FADS3: variants seen among roughly 807,000 people sequenced by gnomAD.
FADS3 encodes cytochrome b5-related protein.
In FADS3, 30 loss-of-function variants were observed where a neutral mutation model predicts 60.4. The ratio of observed to expected loss-of-function variants is 0.50; its 90% CI spans 0.37 to 0.67. The LOEUF (loss-of-function observed/expected upper bound fraction) is 0.67. Ranked by LOEUF, FADS3 falls within the 30% of genes least tolerant of loss-of-function variation. The pLI is 0.00. For synonymous variants in FADS3, 234 were observed against 249.3 expected (o/e 0.94, Z 0.58); for missense variants, 432 against 598.3 (o/e 0.72, Z 2.90).
At chr11:61,890,130 T>C (rs1213199059) in intron 1 of FADS3, 1 of 151,958 alleles carries the variant, frequency 6.6e-6, no homozygotes, top group African/African-American at 2.4e-5. Context: ...TCTTTTTTTT[T>C]TTTTTCTTTT....
Position 61,878,580 on chromosome 11 carries a change from T to C in FADS3, c.679A>G (p.Asn227Asp). 6.2e-7 allele frequency: 1 copy of C among 1,614,130 alleles called. No individual in the cohort carries two copies. The highest frequency in any genetic ancestry group is 8.5e-7 in the Non-Finnish European group (1 of 1,180,012). Residue 227 changes from asparagine (N) to aspartate (D), a missense_variant, in exon 5 of 12, where the codon AAC (asparagine) becomes GAC (aspartate). By Grantham distance (23) the Asn-to-Asp change is conservative. Transcript: ENST00000278829. ...FRHFQHHAKP[N>D]IFHKDPDVTV... is the part of the protein sequence containing the mutation. Reference sequence around the variant, plus strand: ...ACGTCTGGGTCTTTGTGGAAGATGTTGGGCTTGGCGTGGTGCTGGAAGTGG... The same window carrying C: ...ACGTCTGGGTCTTTGTGGAAGATGTCGGGCTTGGCGTGGTGCTGGAAGTGG...
At chr11:61,881,542 A>T (rs1938129940) in intron 1 of FADS3, 2 of 152,324 alleles carry the variant, frequency 1.3e-5, no homozygotes, top group South Asian at 4.1e-4. Context: ...TGTTGTCCCC[A>T]TGGGTCTGGA....
At position 61,876,008 on chromosome 11, in the gene FADS3, A is replaced by C. The variant is rs774645487; in HGVS notation, c.1161-32T>G. The stretch of plus-strand genomic sequence containing the variant: ...GTGGGGAGCGTATGCTGGCACCTGA[A>C]GTGGGAGATTCCAGAGAGAGGCCCC... On this transcript the variant is annotated intron_variant, in intron 10 of 11. Transcript: ENST00000278829. The surrounding 1 kb of genome is among the most constrained non-coding windows in gnomAD (Gnocchi z 5.7). The C allele has an allele frequency of 1.9e-6, 3 of 1,613,126 alleles. No individual in the cohort carries two copies. Among genetic ancestry groups the C allele is most frequent in the Non-Finnish European group, 1.7e-6 (2 of 1,179,856 alleles).
At chr11:61,875,675 T>C (rs1018346609) in intron 11 of FADS3, among the ~76,000 whole-genome samples, 176 bp downstream of exon 11, 3 of 152,158 alleles carry the variant, frequency 2.0e-5, no homozygotes, top group African/African-American at 7.2e-5. Context: ...GAGTCTGCAG[T>C]AGGTGCTCCA....
Position 61,877,422 on chromosome 11 carries a change from G to T in FADS3, c.885+89C>A. The T allele has an allele frequency of 8.1e-7, 1 of 1,239,798 alleles. No homozygotes were observed. The highest frequency in any genetic ancestry group is 1.2e-6 in the Non-Finnish European group (1 of 854,634). 76.8% of individuals were successfully genotyped at this position (1,239,798 alleles called of 1,614,324 possible). ...ACTGTTGCACGCACATGTGCACCCT[G>T]TTTGCCTTCATGGGCAGGTACTGTC... is the stretch of plus-strand genomic sequence containing the variant. On this transcript the variant is annotated intron_variant, in intron 7 of 11. Coordinates refer to ENST00000278829, the MANE Select transcript of FADS3 (RefSeq NM_021727.5). This position sits in a 1 kb window ranked among gnomAD's most constrained non-coding sequence, Gnocchi z 4.7.
At chr11:61,878,272 G>A (rs779096471) in intron 5 of FADS3, 57 bp from the exon 6 acceptor site, 69 of 1,576,580 alleles carry the variant, frequency 4.4e-5, no homozygotes, top group Middle Eastern at 1.7e-4. Context: ...TCCTTCTCCC[G>A]GGCAAGGTCA....
intron 1 of FADS3, among the ~76,000 whole-genome samples, chr11:61,886,797 G>C (rs1429482701): frequency 6.6e-6 from 1 of 152,232 alleles, no homozygotes; most frequent in Non-Finnish European, 1.5e-5. Flanking sequence ...CCTCAGAACA[G>C]TGCCTAGTCA....
rs775155437 is a variant in FADS3 at position 61,876,809 on chromosome 11, G to C, written c.983+57C>G. 1.4e-5 allele frequency: 19 copies of C among 1,317,310 alleles called. No homozygotes were observed. In the East Asian group the frequency reaches 4.6e-4, roughly 32 times the overall value. The allele number at this position is 1,317,310 out of a possible 1,614,324, so 81.6% of individuals were successfully genotyped here. ...ACGGGAAAAGGGAAGCTCTGGTGGGGGGCTGCAGTGGGGGTCACCTGTCGC... is the reference window on the plus strand; with the variant it reads ...ACGGGAAAAGGGAAGCTCTGGTGGGCGGCTGCAGTGGGGGTCACCTGTCGC... On this transcript the variant is annotated intron_variant, in intron 8 of 11. Coordinates refer to ENST00000278829, the MANE Select transcript of FADS3 (RefSeq NM_021727.5). The surrounding 1 kb of genome is among the most constrained non-coding windows in gnomAD (Gnocchi z 5.7).
intron 11 of FADS3, among the ~76,000 whole-genome samples, 200 bp from the exon 12 acceptor site, chr11:61,874,065 C>T (rs1474907728): frequency 1.3e-5 from 2 of 152,192 alleles, no homozygotes; most frequent in Non-Finnish European, 2.9e-5. Flanking sequence ...GGAATCTAGA[C>T]CGGGGTGACG....
chr11:61,880,416 A>C, intron 1 of FADS3: 1 of 299,448 alleles, frequency 3.3e-6, no homozygotes, highest in Non-Finnish European at 6.1e-6. Context: ...ACGGTCAAAC[A>C]TCTGCAGCTC....
At chr11:61,882,910 C>T (rs948760630) in intron 1 of FADS3, among the ~76,000 whole-genome samples, 5 of 151,852 alleles carry the variant, frequency 3.3e-5, no homozygotes, top group African/African-American at 1.2e-4. Context: ...TTGTATATTT[C>T]GTAGAGTCGG....
chr11:61,878,367 A>G, intron 5 of FADS3, 145 bp downstream of exon 5: 2 of 1,397,024 alleles, frequency 1.4e-6, no homozygotes, highest in Non-Finnish European at 2.0e-6. Flanking sequence ...GGAGGTGGGA[A>G]GGAAAGACAC....
chr11:61,880,407 C>T (rs769096570), intron 1 of FADS3: 10 of 318,322 alleles, frequency 3.1e-5, no homozygotes, highest in South Asian at 1.1e-4. Flanking sequence ...TCTCTGAACA[C>T]GGTCAAACAT....
chr11:61,876,920 G>A lies in FADS3; in HGVS notation c.929C>T (p.Ser310Phe). The change falls in exon 8 of 12, where the codon TCC becomes TTC. Residue 310 changes from serine (S) to phenylalanine (F), a missense_variant. Physicochemically the swap from Ser to Phe is radical, Grantham distance 155 (BLOSUM62 -2). Transcript: ENST00000278829. The surrounding 1 kb of genome is among the most constrained non-coding windows in gnomAD (Gnocchi z 5.7). ...AASFYARFFL[S>F]YLPFYGVPGV... ...AGGGACGCCGTAGAAGGGGAGGTAG[G>A]ATAAGAAGAAGCGGGCATAGAAGCT... is the stretch of plus-strand genomic sequence containing the variant. 1 of 1,610,542 alleles carries A rather than the reference G, an allele frequency of 6.2e-7. No homozygotes were observed. Among genetic ancestry groups the A allele is most frequent in the South Asian group, 1.1e-5 (1 of 90,236 alleles).
chr11:61,875,300 G>T (rs1488272986), intron 11 of FADS3, among the ~76,000 whole-genome samples: 1 of 151,934 alleles, frequency 6.6e-6, no homozygotes, highest in Middle Eastern at 3.4e-3. Context: ...CCGCCCCTGC[G>T]AGTTCAAGTG....
In FADS3 at chr11:61,880,168, A is replaced by T; in HGVS notation, c.214-17T>A. 6.2e-7 allele frequency: 1 copy of T among 1,605,162 alleles called. No individual in the cohort carries two copies. Among genetic ancestry groups the T allele is most frequent in the Non-Finnish European group, 8.5e-7 (1 of 1,172,116 alleles). ...GAAGGCATCCTGAAGGAGAGCAGAC[A>T]GTCAGGCGGACAGACAGACACAGCT... On this transcript the variant is annotated splice_polypyrimidine_tract_variant and intron_variant, in intron 1 of 11. Transcript: ENST00000278829.
chr11:61,884,556 G>A (rs78915848), intron 1 of FADS3, among the ~76,000 whole-genome samples: 3,827 of 152,252 alleles, frequency 0.025, 154 homozygotes, highest in African/African-American at 0.086. Flanking sequence ...GGTGGTGTGC[G>A]GGGGTCCTTG....
At position 61,876,045 on chromosome 11, in the gene FADS3, C is replaced by A. The variant is rs534213131; in HGVS notation, c.1160+66G>T. On this transcript the variant is annotated intron_variant, in intron 10 of 11. Coordinates refer to ENST00000278829, the MANE Select transcript of FADS3 (RefSeq NM_021727.5). This position sits in a 1 kb window ranked among gnomAD's most constrained non-coding sequence, Gnocchi z 5.7. ...CAGAGAGAGGCCCCACCCACGGGTC[C>A]CCTCCCAGGATCCCCTCCCAGGACC... The A allele has an allele frequency of 1.2e-6, 2 of 1,609,368 alleles. No homozygotes were observed. The highest frequency in any genetic ancestry group is 1.7e-6 in the Non-Finnish European group (2 of 1,177,224).
In FADS3 at chr11:61,891,343, G is replaced by C; in HGVS notation, c.39C>G (p.Pro13=). Residue 13 remains proline, a synonymous_variant, in exon 1 of 12, where the codon CCC becomes CCG. Coordinates refer to ENST00000278829, the MANE Select transcript of FADS3 (RefSeq NM_021727.5). ...GVGEPGPREG[P]AQPGAPLPTF... ...TGGGCAGCGGCGCCCCCGGCTGCGCGGGTCCCTCCCGCGGTCCCGGCTCCC... is the reference window on the plus strand; with the variant it reads ...TGGGCAGCGGCGCCCCCGGCTGCGCCGGTCCCTCCCGCGGTCCCGGCTCCC... 6.6e-7 allele frequency: 1 copy of C among 1,508,202 alleles called. No individual in the cohort carries two copies. The highest frequency in any genetic ancestry group is 8.8e-7 in the Non-Finnish European group (1 of 1,132,280). The allele number at this position is 1,508,202 out of a possible 1,614,324, so 93.4% of individuals were successfully genotyped here.
Sources: allele counts gnomAD v4.1 joint callset (sites outside exome capture counted in the v4.1 genomes callset), GRCh38; gene constraint gnomAD v4.1.1; non-coding constraint Gnocchi (gnomAD v3.1); transcripts MANE v1.5; gene names NCBI Gene and HGNC (gene_info 2026-07-23, HGNC 2026-07-21).